The following STXBP6 variants were observed in gnomAD, a reference collection of about 807,000 sequenced individuals.
STXBP6 encodes syntaxin binding protein 6, also known as syntaxin-binding protein 6.
In STXBP6, 21 loss-of-function variants were observed where a neutral mutation model predicts 26.9. The observed-to-expected ratio is 0.78, with a 90% CI of 0.55 to 1.12. The LOEUF is 1.12. Among genes scored for constraint, STXBP6 ranks in the 50% most tolerant of loss-of-function variants. STXBP6 has a pLI of 0.00. For missense variants in STXBP6, 232 were observed against 257.9 expected, an observed-to-expected ratio of 0.90 and a Z score of 0.69; for synonymous variants, 97 against 92.6, an observed-to-expected ratio of 1.05 and a Z score of -0.27.
intron 4 of STXBP6, among the ~76,000 whole-genome samples, chr14:24,851,658 T>C (rs2069161486): frequency 6.6e-6 from 1 of 152,040 alleles, no homozygotes; most frequent in Non-Finnish European, 1.5e-5. Context: ...ATCATTTCTG[T>C]TTACAATAAA....
intron 2 of STXBP6, among the ~76,000 whole-genome samples, chr14:24,918,507 G>T (rs1482119391): frequency 1.8e-5 from 2 of 110,700 alleles, no homozygotes; most frequent in African/African-American, 3.1e-5. Context: ...CACACAGCAG[G>T]CATGGATGTC....
At chr14:24,917,413 C>T (rs967583878) in intron 2 of STXBP6, among the ~76,000 whole-genome samples, 5 of 152,102 alleles carry the variant, frequency 3.3e-5, no homozygotes, top group Non-Finnish European at 5.9e-5. Context: ...CTGGAAGCTA[C>T]AAACATGGAG....
chr14:24,951,862 T>C (rs1294317498), intron 2 of STXBP6, among the ~76,000 whole-genome samples: 1 of 152,012 alleles, frequency 6.6e-6, no homozygotes, highest in African/African-American at 2.4e-5. Flanking sequence ...TAAAATATAT[T>C]TGAAAAACAA....
intron 2 of STXBP6, among the ~76,000 whole-genome samples, chr14:24,882,971 ATTGT>A (rs1373987522): frequency 6.6e-6 from 1 of 152,222 alleles, no homozygotes; most frequent in Non-Finnish European, 1.5e-5. Context: ...AGGTCATGAC[ATTGT>A]TTATAGTAAT....
chr14:24,923,497 A>T (rs2072055142), intron 2 of STXBP6, among the ~76,000 whole-genome samples: 1 of 152,164 alleles, frequency 6.6e-6, no homozygotes, highest in Admixed American at 6.5e-5. Context: ...CAAGCCCTAT[A>T]AGCACACCTT....
At chr14:25,014,585 A>G (rs927760412) in intron 1 of STXBP6, among the ~76,000 whole-genome samples, 2 of 152,254 alleles carry the variant, frequency 1.3e-5, no homozygotes, top group African/African-American at 4.8e-5. Context: ...ACACTCAGCT[A>G]CCGTGCAAGG....
intron 1 of STXBP6, among the ~76,000 whole-genome samples, chr14:25,015,442 T>C (rs2075128203): frequency 6.6e-6 from 1 of 151,638 alleles, no homozygotes; most frequent in Admixed American, 6.6e-5. Flanking sequence ...AATAAAGGAG[T>C]TTAATTTAAT....
chr14:24,954,164 C>T (rs2073263993), intron 2 of STXBP6, among the ~76,000 whole-genome samples: 1 of 152,180 alleles, frequency 6.6e-6, no homozygotes, highest in Admixed American at 6.5e-5. Context: ...AGCTATTTCA[C>T]ACCTTTCACA....
rs950401741 is a variant in STXBP6 at position 25,049,998 on chromosome 14, C to T, written c.-153G>A. On this transcript the variant is annotated 5_prime_UTR_variant, in exon 1 of 6. Coordinates refer to ENST00000323944, the MANE Select transcript of STXBP6 (RefSeq NM_001394410.1). The surrounding 1 kb of genome is among the most constrained non-coding windows in gnomAD (Gnocchi z 5.6). ...GGGCTCCGGACAAGGCTTAGCCGGCCCGGGTGCTGGCTCGCCGCCGCTCGC... is the reference window on the plus strand; with the variant it reads ...GGGCTCCGGACAAGGCTTAGCCGGCTCGGGTGCTGGCTCGCCGCCGCTCGC... The T allele has an allele frequency of 3.8e-6, 2 of 524,430 alleles. No individual in the cohort carries two copies. The highest frequency in any genetic ancestry group is 4.9e-6 in the Non-Finnish European group (2 of 409,042). 32.5% of individuals were successfully genotyped at this position (524,430 alleles called of 1,614,324 possible).
intron 1 of STXBP6, among the ~76,000 whole-genome samples, chr14:25,024,552 C>G (rs941572531): frequency 2.6e-5 from 4 of 152,028 alleles, no homozygotes; most frequent in Non-Finnish European, 5.9e-5. Flanking sequence ...TTCTGGGGCC[C>G]CAAAAGCTTT....
intron 2 of STXBP6, among the ~76,000 whole-genome samples, chr14:24,932,330 C>T (rs1194883040): frequency 6.6e-6 from 1 of 152,110 alleles, no homozygotes; most frequent in Non-Finnish European, 1.5e-5. Flanking sequence ...TCGTTTGAAC[C>T]TGGGATTTAA....
chr14:24,907,982 G>T (rs12880456), intron 2 of STXBP6, among the ~76,000 whole-genome samples: 28,989 of 151,706 alleles, frequency 0.19, 3,620 homozygotes, highest in African/African-American at 0.36. Flanking sequence ...TGTATCTCAC[G>T]CCCACAGCAA....
intron 1 of STXBP6, among the ~76,000 whole-genome samples, chr14:25,004,456 A>C (rs1359229709): frequency 3.3e-5 from 5 of 152,252 alleles, no homozygotes; most frequent in African/African-American, 1.2e-4. Context: ...AATACTAAGC[A>C]TGGGTGTGTA....
chr14:24,978,090 T>C (rs2074097167), intron 1 of STXBP6, among the ~76,000 whole-genome samples: 1 of 152,196 alleles, frequency 6.6e-6, no homozygotes, highest in South Asian at 2.1e-4. Flanking sequence ...GCAGATTAGA[T>C]GGAAAAGAAT....
chr14:24,943,108 G>C (rs1023137875), intron 2 of STXBP6, among the ~76,000 whole-genome samples: 7 of 152,174 alleles, frequency 4.6e-5, no homozygotes, highest in African/African-American at 1.7e-4. Context: ...ACAGAACCCT[G>C]ATTCTGGCAC....
At chr14:25,019,862 T>A (rs1265782599) in intron 1 of STXBP6, among the ~76,000 whole-genome samples, 1 of 146,810 alleles carries the variant, frequency 6.8e-6, no homozygotes, top group Admixed American at 6.9e-5. Flanking sequence ...AATACAAGTT[T>A]CGTGGGTTTT....
At chr14:24,864,360 G>T (rs551314181) in intron 2 of STXBP6, among the ~76,000 whole-genome samples, 7 of 152,156 alleles carry the variant, frequency 4.6e-5, no homozygotes, top group Admixed American at 4.6e-4. Flanking sequence ...AATGTCATAC[G>T]TGGTAGAAAT....
At chr14:25,034,266 C>G (rs1050113090) in intron 1 of STXBP6, among the ~76,000 whole-genome samples, 1 of 152,148 alleles carries the variant, frequency 6.6e-6, no homozygotes, top group Non-Finnish European at 1.5e-5. Flanking sequence ...ACACAAGAAC[C>G]ATATCCCTCT....
rs1465736405 is a variant in STXBP6, at chr14:24,876,542, G to C, written c.155-19385C>G. Among the ~76,000 whole-genome samples, 2 of 152,206 alleles carry C rather than the reference G, an allele frequency of 1.3e-5. 1 individual carries two copies. Among genetic ancestry groups the C allele is most frequent in the South Asian group, 4.1e-4 (2 of 4,826 alleles). ...ACACCCATAGTTATAACTCACATTA[G>C]TATGGGGCAGCACAAGGGGTTTGAC... On this transcript the variant is annotated intron_variant, in intron 2 of 5. Transcript: ENST00000323944.
Sources: allele counts gnomAD v4.1 joint callset (sites outside exome capture counted in the v4.1 genomes callset), GRCh38; gene constraint gnomAD v4.1.1; non-coding constraint Gnocchi (gnomAD v3.1); transcripts MANE v1.5; gene names NCBI Gene and HGNC (gene_info 2026-07-23, HGNC 2026-07-21).